The following KCNIP1 variants were observed in gnomAD, a reference collection of about 807,000 sequenced individuals.
KCNIP1 encodes potassium voltage-gated channel interacting protein 1.
KCNIP1 carries 18 observed loss-of-function variants against 33.0 expected under a neutral mutation model. The observed-to-expected ratio is 0.55, with a 90% CI of 0.38 to 0.81. KCNIP1 has a LOEUF of 0.81. Among genes scored for constraint, KCNIP1 ranks in the 30% least tolerant of loss-of-function variants. The pLI, the probability that KCNIP1 is intolerant of heterozygous loss-of-function variation, is 0.00. For missense variants in KCNIP1, 238 were observed against 271.6 expected (o/e 0.88, Z 0.87); for synonymous variants, 93 against 98.3 (o/e 0.95, Z 0.32).
At chr5:170,610,145 T>C (rs1458621874) in intron 1 of KCNIP1, among the ~76,000 whole-genome samples, 1 of 152,168 alleles carries the variant, frequency 6.6e-6, no homozygotes. Flanking sequence ...AGATTGTCCC[T>C]CTCCACCCTC....
intron 1 of KCNIP1, among the ~76,000 whole-genome samples, chr5:170,491,710 T>C (rs1757210222): frequency 6.6e-6 from 1 of 152,000 alleles, no homozygotes; most frequent in African/African-American, 2.4e-5. Context: ...AAGCCAAGAG[T>C]AAATGTGCAT....
At chr5:170,426,247 T>TCTCACACACA (rs1761540751) in intron 1 of KCNIP1, among the ~76,000 whole-genome samples, 1 of 149,162 alleles carries the variant, frequency 6.7e-6, no homozygotes, top group Non-Finnish European at 1.5e-5. Context: ...TCAAAAGGAA[T>TCTCACACACA]CACACACACA....
intron 1 of KCNIP1, among the ~76,000 whole-genome samples, chr5:170,384,994 C>G (rs377590395): frequency 3.9e-5 from 6 of 152,214 alleles, no homozygotes; most frequent in Non-Finnish European, 8.8e-5. Context: ...TTCTCTGATT[C>G]CTCCTGGGAT....
At chr5:170,363,775 C>A (rs957609048) in intron 1 of KCNIP1, among the ~76,000 whole-genome samples, 1 of 152,146 alleles carries the variant, frequency 6.6e-6, no homozygotes, top group African/African-American at 2.4e-5. Flanking sequence ...AGTACATTCA[C>A]ATGTTGTGCA....
At chr5:170,500,337 CG>C (rs2113221647), upstream of KCNIP1, among the ~76,000 whole-genome samples, 1 of 152,224 alleles carries the variant, frequency 6.6e-6, no homozygotes, top group East Asian at 1.9e-4. Flanking sequence ...CAGTCCACAC[CG>C]GGGTGCATGA....
chr5:170,423,693 T>C (rs758358944), intron 1 of KCNIP1, among the ~76,000 whole-genome samples: 1 of 152,228 alleles, frequency 6.6e-6, no homozygotes, highest in Non-Finnish European at 1.5e-5. Context: ...AACTTTTTCA[T>C]TCTCAAATGG....
chr5:170,660,405 A>G (rs1761432620), intron 1 of KCNIP1, among the ~76,000 whole-genome samples: 1 of 152,110 alleles, frequency 6.6e-6, no homozygotes, highest in South Asian at 2.1e-4. Flanking sequence ...TGTCTACTTA[A>G]AGTAAATCAC....
At chr5:170,516,537 G>A (rs1330399967) in intron 1 of KCNIP1, among the ~76,000 whole-genome samples, 1 of 152,212 alleles carries the variant, frequency 6.6e-6, no homozygotes, top group East Asian at 1.9e-4. Context: ...ATGCGGCAGA[G>A]AAACTTGGGC....
At chr5:170,543,715 A>C (rs10067218) in intron 1 of KCNIP1, among the ~76,000 whole-genome samples, 1 of 152,082 alleles carries the variant, frequency 6.6e-6, no homozygotes, top group African/African-American at 2.4e-5. Flanking sequence ...CAACTTTGTC[A>C]CTTTTCTCTT....
chr5:170,546,904 G>A (rs1001462964), intron 1 of KCNIP1, among the ~76,000 whole-genome samples: 2 of 152,018 alleles, frequency 1.3e-5, no homozygotes, highest in Non-Finnish European at 2.9e-5. Flanking sequence ...CTTTCTATCT[G>A]TGCTAATTTT....
chr5:170,495,011 C>T (rs1757281773), intron 1 of KCNIP1, among the ~76,000 whole-genome samples: 1 of 152,206 alleles, frequency 6.6e-6, no homozygotes, highest in Non-Finnish European at 1.5e-5. Flanking sequence ...TTTCAGGTAA[C>T]TCACTCTGAT....
chr5:170,707,968 C>T (rs1422059622), intron 1 of KCNIP1, among the ~76,000 whole-genome samples: 1 of 152,038 alleles, frequency 6.6e-6, no homozygotes, highest in East Asian at 1.9e-4. Context: ...GAAAAAAATA[C>T]GTGGAACACT....
chr5:170,646,391 C>A (rs949076996), intron 1 of KCNIP1, among the ~76,000 whole-genome samples: 1 of 152,112 alleles, frequency 6.6e-6, no homozygotes, highest in Non-Finnish European at 1.5e-5. Context: ...GAATTATAAG[C>A]CATGACCAAG....
At chr5:170,420,986 T>A (rs1755474335) in intron 1 of KCNIP1, among the ~76,000 whole-genome samples, 1 of 152,132 alleles carries the variant, frequency 6.6e-6, no homozygotes. Context: ...GCCATTTGAT[T>A]GGGTTGTTGG....
chr5:170,486,456 C>T (rs996847966), intron 1 of KCNIP1: 3 of 152,378 alleles, frequency 2.0e-5, no homozygotes, highest in African/African-American at 7.2e-5. Flanking sequence ...CACGTGGACT[C>T]ACATGTGACC....
At chr5:170,378,652 G>T (rs1013326653) in intron 1 of KCNIP1, 3 of 1,538,930 alleles carry the variant, frequency 1.9e-6, no homozygotes, top group Admixed American at 2.0e-5. Flanking sequence ...AGCCCTGGGG[G>T]CCCAGCCAGT....
chr5:170,722,605 C>T lies in KCNIP1; in HGVS notation c.328-108C>T, dbSNP rs112060605. 1.6e-3 allele frequency: 1,240 copies of T among 768,418 alleles called. 10 individuals are homozygous for T. The highest frequency in any genetic ancestry group is 0.012 in the African/African-American group (687 of 57,742). 47.6% of individuals were successfully genotyped at this position (768,418 alleles called of 1,614,324 possible). On this transcript the variant is annotated intron_variant, in intron 4 of 7. Coordinates refer to ENST00000328939, the MANE Select transcript of KCNIP1 (RefSeq NM_014592.4). ...CACATCCTCCAGGCAGACAAGAGGA[C>T]GCAGGAGGCACCATTCTGTGAGAGT...
chr5:170,618,014 T>C (rs1051618479), intron 1 of KCNIP1, among the ~76,000 whole-genome samples: 1 of 152,182 alleles, frequency 6.6e-6, no homozygotes. Context: ...AAAGTACCAT[T>C]TCTTCTCCAC....
intron 1 of KCNIP1, among the ~76,000 whole-genome samples, chr5:170,520,087 A>G (rs1396037255): frequency 6.6e-6 from 1 of 152,144 alleles, no homozygotes; most frequent in Non-Finnish European, 1.5e-5. Flanking sequence ...AGTTCCTTAA[A>G]GGGTGTTTGG....
Sources: gnomAD v4.1 joint callset for allele counts (sites outside exome capture counted in the v4.1 genomes callset) on GRCh38, gnomAD v4.1.1 for gene constraint, MANE v1.5 for transcripts, NCBI Gene and HGNC (gene_info 2026-07-23, HGNC 2026-07-21) for gene names.